The following PLGRKT variants were observed in gnomAD, a reference collection of about 807,000 sequenced individuals.
PLGRKT encodes plasminogen receptor (KT).
Under a neutral mutation model 18.5 loss-of-function variants are expected in PLGRKT, and 22 were observed. The ratio of observed to expected loss-of-function variants is 1.19; its 90% CI spans 0.85 to 1.70. The LOEUF (loss-of-function observed/expected upper bound fraction) is 1.70. Ranked by LOEUF, PLGRKT falls within the 40% of genes most tolerant of loss-of-function variation. The probability of loss-of-function intolerance (pLI) is 0.00; values close to 1 mark genes in which losing one functional copy is unlikely to be tolerated. For missense variants in PLGRKT, 235 were observed against 174.4 expected (o/e 1.35, Z -1.96); for synonymous variants, 72 against 52.8 (o/e 1.36, Z -1.58).
intron 3 of PLGRKT, among the ~76,000 whole-genome samples, chr9:5,371,186 GTAT>G (rs1427577065): frequency 6.6e-6 from 1 of 152,054 alleles, no homozygotes; most frequent in Non-Finnish European, 1.5e-5. Context: ...GCCAAATGCC[GTAT>G]TAAGAGGTAG....
At position 5,361,085 on chromosome 9, in the gene PLGRKT, T is replaced by C. The variant is rs767311371; in HGVS notation, c.315A>G (p.Arg105=). 10 of 1,499,138 alleles carry C rather than the reference T, an allele frequency of 6.7e-6. No individual in the cohort carries two copies. The Admixed American group carries it at 1.7e-4, about 26-fold the overall frequency. The allele number at this position is 1,499,138 out of a possible 1,614,324, so 92.9% of individuals were successfully genotyped here. A position where few individuals can be genotyped will look rare whatever the true frequency, so the allele number is the denominator to read the frequency against. ...YDLGYGTLLE[R]MKGEAEDILE... ...AGTTTACCAAAGACTTACCTTTCATTCTTTCTAAAAGGGTTCCATAGCCCA... is the reference window on the plus strand; with the variant it reads ...AGTTTACCAAAGACTTACCTTTCATCCTTTCTAAAAGGGTTCCATAGCCCA... The change falls in exon 5 of 6, where the codon AGA becomes AGG. Residue 105 remains arginine (R), a synonymous_variant. Coordinates refer to ENST00000223864, the MANE Select transcript of PLGRKT (RefSeq NM_018465.4).
intron 3 of PLGRKT, among the ~76,000 whole-genome samples, chr9:5,381,248 G>GC (rs761896611): frequency 3.3e-5 from 5 of 152,348 alleles, no homozygotes; most frequent in Non-Finnish European, 5.9e-5. Context: ...GTTCGTGGCA[G>GC]CCCCTCCCAT....
At chr9:5,359,898 T>C (rs1817225578) in intron 5 of PLGRKT, among the ~76,000 whole-genome samples, 1 of 152,252 alleles carries the variant, frequency 6.6e-6, no homozygotes, top group African/African-American at 2.4e-5. Context: ...GTGTTATACA[T>C]GTTCACTATA....
At chr9:5,436,921 C>G (rs1275939648) in intron 1 of PLGRKT, among the ~76,000 whole-genome samples, 2 of 152,192 alleles carry the variant, frequency 1.3e-5, no homozygotes, top group Non-Finnish European at 2.9e-5. Context: ...TTTGATTTCA[C>G]TCACTTGTAT....
At chr9:5,385,063 G>C (rs1172775855) in intron 3 of PLGRKT, among the ~76,000 whole-genome samples, 2 of 152,126 alleles carry the variant, frequency 1.3e-5, no homozygotes, top group Non-Finnish European at 2.9e-5. Flanking sequence ...GGGGAGGGCA[G>C]ATCATGTGGG....
At chr9:5,381,830 GC>G in intron 3 of PLGRKT, 2 of 960,330 alleles carry the variant, frequency 2.1e-6, no homozygotes, top group Non-Finnish European at 2.5e-6. Flanking sequence ...AATACATAAA[GC>G]AAAAACAACA....
Position 5,383,861 on chromosome 9 carries a change from T to C in PLGRKT, c.82-21973A>G, listed in dbSNP as rs1817791783. Among the ~76,000 whole-genome samples the C allele has an allele frequency of 2.0e-5, 3 of 152,034 alleles. No homozygotes were observed. In the South Asian group the frequency reaches 6.2e-4, roughly 32 times the overall value. ...CCAGTACCAGTCCGTGGCCCAGGGGTTGGGGATCCTAGAGTTAGTGGATAC... is the reference window on the plus strand; with the variant it reads ...CCAGTACCAGTCCGTGGCCCAGGGGCTGGGGATCCTAGAGTTAGTGGATAC... On this transcript the variant is annotated intron_variant, in intron 3 of 5. Coordinates refer to ENST00000223864, the MANE Select transcript of PLGRKT (RefSeq NM_018465.4).
chr9:5,424,175 G>A (rs1818633313), intron 3 of PLGRKT, among the ~76,000 whole-genome samples: 1 of 135,922 alleles, frequency 7.4e-6, no homozygotes, highest in Non-Finnish European at 1.5e-5. Context: ...ATTATATATA[G>A]TAATAGATGT....
In PLGRKT at chr9:5,418,520, C is replaced by G. The variant is rs1014037477; in HGVS notation, c.81+13377G>C. 2 of 995,680 alleles carry G rather than the reference C, an allele frequency of 2.0e-6. No homozygotes were observed. The highest frequency in any genetic ancestry group is 3.1e-5 in the African/African-American group (2 of 63,622). The allele number at this position is 995,680 out of a possible 1,614,324, so 61.7% of individuals were successfully genotyped here. ...TTCACCATGCCCCGCCTGTCCTGCT[C>G]CTCCTCCGCCACCCCCTGGGGAGCC... On this transcript the variant is annotated intron_variant, in intron 3 of 5. Transcript: ENST00000223864. This position sits in a 1 kb window ranked among gnomAD's most constrained non-coding sequence, Gnocchi z 4.2.
chr9:5,397,990 G>C (rs981725174), intron 3 of PLGRKT, among the ~76,000 whole-genome samples: 4 of 151,948 alleles, frequency 2.6e-5, no homozygotes, highest in African/African-American at 9.7e-5. Context: ...GTGCAAATAG[G>C]AACTCTGTAG....
At chr9:5,382,019 G>A (rs1427390633) in intron 3 of PLGRKT, 4 of 984,964 alleles carry the variant, frequency 4.1e-6, no homozygotes, top group South Asian at 9.4e-5. Context: ...CTTAGCAGTT[G>A]AAAATGTGCA....
At chr9:5,419,126 G>A (rs1224444589) in intron 3 of PLGRKT, 4 of 188,416 alleles carry the variant, frequency 2.1e-5, no homozygotes, top group Admixed American at 1.8e-4. Context: ...AGGCCAGGGC[G>A]ACCTCAGCGA....
chr9:5,364,348 T>C (rs1817335558), intron 3 of PLGRKT, among the ~76,000 whole-genome samples: 1 of 152,198 alleles, frequency 6.6e-6, no homozygotes, highest in Admixed American at 6.5e-5. Flanking sequence ...CTGAAAGAGA[T>C]TACCTGGGAA....
At chr9:5,400,066 T>C (rs193059474) in intron 3 of PLGRKT, among the ~76,000 whole-genome samples, 3 of 152,060 alleles carry the variant, frequency 2.0e-5, no homozygotes, top group Admixed American at 2.0e-4. Flanking sequence ...GTAATTTTTA[T>C]TGTTATATGT....
chr9:5,424,231 TTA>T (rs1213463925), intron 3 of PLGRKT, among the ~76,000 whole-genome samples: 1 of 138,084 alleles, frequency 7.2e-6, no homozygotes, highest in African/African-American at 2.7e-5. Flanking sequence ...ATATATGTAT[TTA>T]TATGTGTCAT....
chr9:5,418,847 TG>T lies in PLGRKT; in HGVS notation c.81+13049del. On this transcript the variant is annotated intron_variant, in intron 3 of 5. Transcript: ENST00000223864. The surrounding 1 kb of genome is among the most constrained non-coding windows in gnomAD (Gnocchi z 4.2). ...CAGGGGCATCGCACATCCTTCTGGC[TG>T]GTCCTCGTCTGCTGGAGGCAAACTG... 5 of 1,072,194 alleles carry T rather than the reference TG, an allele frequency of 4.7e-6. No individual in the cohort carries two copies. The highest frequency in any genetic ancestry group is 7.2e-6 in the Non-Finnish European group (5 of 698,380). The allele number at this position is 1,072,194 out of a possible 1,614,324, so 66.4% of individuals were successfully genotyped here.
chr9:5,424,651 TAATATA>T (rs1385641660), intron 3 of PLGRKT, among the ~76,000 whole-genome samples: 3 of 123,998 alleles, frequency 2.4e-5, no homozygotes, highest in East Asian at 2.1e-4. Context: ...ACATTATATA[TAATATA>T]ATTATATATT....
chr9:5,367,020 TACACACACATAC>T (rs1364706535), intron 3 of PLGRKT, among the ~76,000 whole-genome samples: 1,519 of 58,194 alleles, frequency 0.026, 36 homozygotes, highest in African/African-American at 0.084. Context: ...GACAGACAGA[TACACACACATAC>T]ACACACACAC....
At chr9:5,424,736 G>C (rs1818663049) in intron 3 of PLGRKT, among the ~76,000 whole-genome samples, 1 of 139,996 alleles carries the variant, frequency 7.1e-6, no homozygotes, top group South Asian at 2.2e-4. Flanking sequence ...GAGAGAGAGA[G>C]AAAGAGACAG....
Sources: gnomAD v4.1 joint callset for allele counts (sites outside exome capture counted in the v4.1 genomes callset) on GRCh38, gnomAD v4.1.1 for gene constraint, Gnocchi (gnomAD v3.1) non-coding constraint, MANE v1.5 for transcripts, NCBI Gene and HGNC (gene_info 2026-07-23, HGNC 2026-07-21) for gene names.